NEK10: variants seen among roughly 807,000 people sequenced by gnomAD.
NEK10 encodes the protein NIMA related kinase 10.
A neutral mutation model predicts 159.8 loss-of-function variants in NEK10; 122 were observed. The observed-to-expected ratio is 0.76, with a 90% CI of 0.66 to 0.89. NEK10 has a LOEUF of 0.89. NEK10 is among the 40% of genes least tolerant of loss of function. NEK10 has a pLI of 0.00. For synonymous variants in NEK10, 466 were observed against 457.1 expected (o/e 1.02, Z -0.25); for missense variants, 1,342 against 1,323.1 (o/e 1.01, Z -0.22).
chr3:27,365,370 A>C (rs1171050994), intron 1 of NEK10, among the ~76,000 whole-genome samples: 1 of 152,088 alleles, frequency 6.6e-6, no homozygotes, highest in Admixed American at 6.6e-5. Flanking sequence ...GACTGCTTTG[A>C]AGCTAGAATC....
chr3:27,277,369 C>A (rs1216593853), intron 22 of NEK10, among the ~76,000 whole-genome samples: 1 of 152,162 alleles, frequency 6.6e-6, no homozygotes, highest in Non-Finnish European at 1.5e-5. Context: ...TGAACATATC[C>A]TAACTGATAC....
In NEK10 at chr3:27,244,563, G is replaced by A. The variant is rs182642313; in HGVS notation, c.2090+11733C>T. 4.2e-3 allele frequency among the ~76,000 whole-genome samples: 638 copies of A among 152,268 alleles called. 6 individuals are homozygous for A. Among genetic ancestry groups the A allele is most frequent in the African/African-American group, 0.015 (615 of 41,548 alleles). ...TCCTGCAATTTCTGACATGGGCCAC[G>A]AGTAGGCAGTATAGGTATAGGACTA... On this transcript the variant is annotated intron_variant, in intron 23 of 35. Coordinates refer to ENST00000691995, the MANE Select transcript of NEK10 (RefSeq NM_001394966.1).
At chr3:27,162,856 A>G in intron 29 of NEK10, 118 bp from the exon 30 acceptor site, 1 of 1,359,838 alleles carries the variant, frequency 7.4e-7, no homozygotes, top group Non-Finnish European at 1.0e-6. Context: ...TTTTCCCTCA[A>G]GATGCTCTCA....
chr3:27,256,539 A>G (rs888133954), intron 22 of NEK10, among the ~76,000 whole-genome samples, 168 bp from the exon 23 acceptor site: 1 of 152,238 alleles, frequency 6.6e-6, no homozygotes. Context: ...TTAAAAAAAC[A>G]TAAAATAAGT....
intron 32 of NEK10, among the ~76,000 whole-genome samples, chr3:27,125,743 G>T (rs2125479676): frequency 6.6e-6 from 1 of 152,264 alleles, no homozygotes; most frequent in East Asian, 1.9e-4. Flanking sequence ...CCCCAGGGAT[G>T]TACACCTCAC....
chr3:27,224,761 A>G (rs1166069436), intron 23 of NEK10, among the ~76,000 whole-genome samples: 1 of 152,328 alleles, frequency 6.6e-6, no homozygotes, highest in Admixed American at 6.5e-5. Flanking sequence ...ACCCGGGCTA[A>G]GATAGCAAGT....
chr3:27,152,278 G>C (rs987390553), intron 30 of NEK10, among the ~76,000 whole-genome samples: 1 of 152,190 alleles, frequency 6.6e-6, no homozygotes, highest in African/African-American at 2.4e-5. Context: ...AAACCTATCA[G>C]ATTAATAGCA....
chr3:27,289,744 GAACA>G (rs1439718990), intron 19 of NEK10, among the ~76,000 whole-genome samples: 1 of 152,128 alleles, frequency 6.6e-6, no homozygotes, highest in Non-Finnish European at 1.5e-5. Flanking sequence ...ACAAACACAT[GAACA>G]AACTACACAT....
chr3:27,230,989 A>T (rs1486762179), intron 23 of NEK10, among the ~76,000 whole-genome samples: 1 of 152,004 alleles, frequency 6.6e-6, no homozygotes, highest in Middle Eastern at 3.2e-3. Context: ...TGGTGGACTT[A>T]AACTATATCC....
At chr3:27,180,114 G>GC (rs1161316155) in intron 26 of NEK10, among the ~76,000 whole-genome samples, 5 of 151,998 alleles carry the variant, frequency 3.3e-5, no homozygotes, top group African/African-American at 1.2e-4. Context: ...GAAACAATGG[G>GC]CCAGGCATGG....
At chr3:27,301,272 G>A (rs927260769) in intron 13 of NEK10, among the ~76,000 whole-genome samples, 2 of 152,216 alleles carry the variant, frequency 1.3e-5, no homozygotes, top group Non-Finnish European at 2.9e-5. Flanking sequence ...TGGAGCTCAA[G>A]AAGCATGGGG....
chr3:27,325,634 C>T (rs967072446), intron 5 of NEK10, among the ~76,000 whole-genome samples: 3 of 152,016 alleles, frequency 2.0e-5, no homozygotes, highest in African/African-American at 7.3e-5. Context: ...CCCCACCCCA[C>T]CCCACTCACA....
chr3:27,363,308 A>G (rs2048817710), intron 1 of NEK10, among the ~76,000 whole-genome samples: 1 of 152,228 alleles, frequency 6.6e-6, no homozygotes, highest in Admixed American at 6.5e-5. Flanking sequence ...TCATAATTCA[A>G]TAAGTACATA....
At chr3:27,129,908 G>T (rs1480578915) in intron 32 of NEK10, among the ~76,000 whole-genome samples, 1 of 151,332 alleles carries the variant, frequency 6.6e-6, no homozygotes, top group Non-Finnish European at 1.5e-5. Flanking sequence ...TTTTGTCAGA[G>T]CTATTTTTTT....
intron 1 of NEK10, among the ~76,000 whole-genome samples, chr3:27,368,084 G>A (rs1277308722): frequency 1.3e-5 from 2 of 152,110 alleles, no homozygotes; most frequent in Non-Finnish European, 2.9e-5. Flanking sequence ...CCTGAGATCA[G>A]GAGTTCGAGA....
At chr3:27,349,887 A>G (rs571138592) in intron 3 of NEK10, among the ~76,000 whole-genome samples, 1 of 152,292 alleles carries the variant, frequency 6.6e-6, no homozygotes, top group South Asian at 2.1e-4. Flanking sequence ...CTCTGTCTCC[A>G]GTTCTGTCAC....
At chr3:27,215,066 C>T (rs1951377200) in intron 23 of NEK10, 1 of 568,266 alleles carries the variant, frequency 1.8e-6, no homozygotes. Flanking sequence ...CGGCTTCCCG[C>T]TCCAACCCCT....
chr3:27,268,263 G>T (rs924715387), intron 22 of NEK10, among the ~76,000 whole-genome samples: 1 of 152,208 alleles, frequency 6.6e-6, no homozygotes, highest in Non-Finnish European at 1.5e-5. Flanking sequence ...TCCAGATCTG[G>T]CTAAGACAGT....
chr3:27,141,600 T>C lies in NEK10; in HGVS notation c.2870-18A>G. 1 of 1,588,722 alleles carries C rather than the reference T, an allele frequency of 6.3e-7. No individual in the cohort carries two copies. Among genetic ancestry groups the C allele is most frequent in the East Asian group, 2.2e-5 (1 of 44,708 alleles). ...TGCTGATGCTGTGGGTGATAAATTT[T>C]GTAGTTAGTCAAGTTCTCTTTCAAA... On this transcript the variant is annotated intron_variant, in intron 30 of 35. Transcript: ENST00000691995.
Sources: gnomAD v4.1 joint callset for allele counts (sites outside exome capture counted in the v4.1 genomes callset) on GRCh38, gnomAD v4.1.1 for gene constraint, MANE v1.5 for transcripts, NCBI Gene and HGNC (gene_info 2026-07-23, HGNC 2026-07-21) for gene names.